Variants in CPQ observed in about 807,000 individuals in gnomAD.
The protein encoded by CPQ is Ser-Met dipeptidase.
A neutral mutation model predicts 45.7 loss-of-function variants in CPQ; 37 were observed. The observed-to-expected ratio is 0.81, with a 90% confidence interval of 0.62 to 1.07. The LOEUF is 1.07. Among genes scored for constraint, CPQ ranks in the 50% least tolerant of loss-of-function variants. The probability of loss-of-function intolerance (pLI) is 0.00; values close to 1 mark genes in which losing one functional copy is unlikely to be tolerated. For missense variants in CPQ, 537 were observed against 572.9 expected (o/e 0.94, Z 0.64); for synonymous variants, 186 against 205.8 (o/e 0.90, Z 0.82).
chr8:96,667,769 A>G (rs953788777), intron 1 of CPQ, among the ~76,000 whole-genome samples: 2 of 152,062 alleles, frequency 1.3e-5, no homozygotes, highest in East Asian at 3.9e-4. Context: ...CTGTCTGCCA[A>G]CTAAATATTA....
intron 5 of CPQ, among the ~76,000 whole-genome samples, chr8:97,004,902 T>C (rs535871956): frequency 3.5e-4 from 53 of 152,134 alleles, no homozygotes; most frequent in African/African-American, 1.3e-3. Flanking sequence ...TGACTATTTC[T>C]TTTCTGTGTT....
intron 2 of CPQ, among the ~76,000 whole-genome samples, chr8:96,786,871 T>G (rs982293023): frequency 6.6e-6 from 1 of 152,172 alleles, no homozygotes; most frequent in Non-Finnish European, 1.5e-5. Context: ...AATCGGACTA[T>G]GAGATTTTTA....
At chr8:96,921,589 T>C (rs867330643) in intron 4 of CPQ, among the ~76,000 whole-genome samples, 2 of 152,204 alleles carry the variant, frequency 1.3e-5, no homozygotes, top group South Asian at 4.1e-4. Flanking sequence ...AGGCAGGAGT[T>C]AATGTGCTCA....
chr8:96,666,777 C>T (rs1808930491), intron 1 of CPQ, among the ~76,000 whole-genome samples: 1 of 152,060 alleles, frequency 6.6e-6, no homozygotes, highest in East Asian at 1.9e-4. Context: ...GCTTGATGGC[C>T]CTCTTCTGTC....
At chr8:96,779,200 A>G (rs1205655307) in intron 1 of CPQ, among the ~76,000 whole-genome samples, 1 of 152,112 alleles carries the variant, frequency 6.6e-6, no homozygotes, top group Admixed American at 6.6e-5. Flanking sequence ...GTCCCTCTAG[A>G]AAGGGTACCA....
chr8:97,054,043 C>CTGTT (rs1453403832), intron 6 of CPQ, among the ~76,000 whole-genome samples: 1 of 151,832 alleles, frequency 6.6e-6, no homozygotes, highest in Non-Finnish European at 1.5e-5. Context: ...GGGTTTGAAC[C>CTGTT]TGTTAAGTTT....
At chr8:97,010,121 A>G (rs1446813855) in intron 5 of CPQ, among the ~76,000 whole-genome samples, 1 of 152,210 alleles carries the variant, frequency 6.6e-6, no homozygotes, top group Admixed American at 6.5e-5. Flanking sequence ...TGATGACCTT[A>G]CATGGAGGAT....
At chr8:96,737,070 T>C (rs1563483394) in intron 1 of CPQ, among the ~76,000 whole-genome samples, 1 of 151,916 alleles carries the variant, frequency 6.6e-6, no homozygotes, top group Non-Finnish European at 1.5e-5. Flanking sequence ...TTGGCTCTGT[T>C]GTTTCCTTCT....
At chr8:97,103,055 C>T (rs543194568) in intron 7 of CPQ, among the ~76,000 whole-genome samples, 1 of 152,224 alleles carries the variant, frequency 6.6e-6, no homozygotes, top group African/African-American at 2.4e-5. Context: ...TCCACCATTG[C>T]GTTGTCCTCT....
intron 1 of CPQ, among the ~76,000 whole-genome samples, chr8:96,692,531 G>A (rs1809318525): frequency 6.6e-6 from 1 of 152,150 alleles, no homozygotes; most frequent in South Asian, 2.1e-4. Context: ...CAGAGCAAGA[G>A]TCTTCCTGGT....
At chr8:97,018,932 A>G (rs532941042) in intron 5 of CPQ, among the ~76,000 whole-genome samples, 29 of 152,348 alleles carry the variant, frequency 1.9e-4, no homozygotes, top group African/African-American at 4.6e-4. Flanking sequence ...CATTGTCCTC[A>G]GGTTATCTAA....
At chr8:97,101,913 G>GCTCT (rs71512450) in intron 7 of CPQ, among the ~76,000 whole-genome samples, 30 of 119,566 alleles carry the variant, frequency 2.5e-4, no homozygotes, top group South Asian at 1.1e-3. Context: ...TAGATTGGTG[G>GCTCT]CTCTCTCTCT....
chr8:96,823,057 C>T (rs748824389), intron 2 of CPQ, among the ~76,000 whole-genome samples: 3 of 151,992 alleles, frequency 2.0e-5, no homozygotes, highest in Non-Finnish European at 2.9e-5. Flanking sequence ...AAGCCTACCT[C>T]GTCATCCAGG....
rs540484860 is a variant in CPQ at position 96,824,180 on chromosome 8, C to G, written c.434-10793C>G. Among the ~76,000 whole-genome samples the G allele has an allele frequency of 8.5e-5, 13 of 152,124 alleles. 1 individual carries two copies. The South Asian group carries it at 2.7e-3, about 31-fold the overall frequency. On this transcript the variant is annotated intron_variant, in intron 2 of 7. Transcript: ENST00000220763. ...AAGTACTGTTGCTCTCTCTCCATCT[C>G]TTTCTGTTAGAAATAGATCTCCATC...
intron 5 of CPQ, among the ~76,000 whole-genome samples, chr8:96,970,688 C>G (rs1049057434): frequency 3.3e-5 from 5 of 151,974 alleles, no homozygotes; most frequent in African/African-American, 7.3e-5. Flanking sequence ...CTCAGCCTCA[C>G]GAGTAGCTGG....
rs773861111 is a variant in CPQ, at chr8:97,022,964, C to CATAT, written c.962-6431_962-6428dup. On this transcript the variant is annotated intron_variant, in intron 5 of 7. Transcript: ENST00000220763. ...GCAGCACAATTTGCAATTCCAAAAA[C>CATAT]ATATATATATACTGTATATAGTATA... Among the ~76,000 whole-genome samples the CATAT allele has an allele frequency of 2.0e-4, 9 of 45,914 alleles. No homozygotes were observed. The Admixed American group carries it at 2.4e-3, about 12-fold the overall frequency. The allele number at this position is 45,914 out of a possible 152,430, so 30.1% of individuals were successfully genotyped here.
chr8:96,659,737 G>C (rs190808296), intron 1 of CPQ, among the ~76,000 whole-genome samples: 19 of 152,294 alleles, frequency 1.2e-4, no homozygotes, highest in Admixed American at 3.9e-4. Context: ...GTACAAAACA[G>C]GCTCATAGTC....
chr8:96,759,959 T>C (rs1487998360), intron 1 of CPQ, among the ~76,000 whole-genome samples: 1 of 152,192 alleles, frequency 6.6e-6, no homozygotes, highest in Non-Finnish European at 1.5e-5. Context: ...TTTAGAGAGG[T>C]TACGTAACTT....
chr8:96,951,876 T>A (rs1813271688), intron 4 of CPQ, among the ~76,000 whole-genome samples: 1 of 151,714 alleles, frequency 6.6e-6, no homozygotes, highest in African/African-American at 2.4e-5. Flanking sequence ...ATGTTTGAGG[T>A]CATCTTACAA....
Sources: allele counts gnomAD v4.1 joint callset (sites outside exome capture counted in the v4.1 genomes callset), GRCh38; gene constraint gnomAD v4.1.1; transcripts MANE v1.5; gene names NCBI Gene and HGNC (gene_info 2026-07-23, HGNC 2026-07-21).